The following RBM4B variants were observed in gnomAD, a reference collection of about 807,000 sequenced individuals.
RBM4B encodes the protein RNA-binding protein 4B.
RBM4B carries 13 observed loss-of-function variants against 28.5 expected under a neutral mutation model. The observed-to-expected ratio is 0.46, with a 90% CI of 0.30 to 0.72. RBM4B has a LOEUF of 0.72. RBM4B is among the 30% of genes least tolerant of loss of function. RBM4B has a pLI of 0.09. For synonymous variants in RBM4B, 167 were observed against 179.1 expected (o/e 0.93, Z 0.54); for missense variants, 387 against 477.6 (o/e 0.81, Z 1.77).
intron 3 of RBM4B, chr11:66,667,574 A>C (rs72923085): frequency 6.6e-6 from 1 of 152,352 alleles, no homozygotes; most frequent in Non-Finnish European, 1.5e-5. Flanking sequence ...CAGAACATCA[A>C]AACATTCAAC....
chr11:66,666,889 T>C (rs1280794597), intron 3 of RBM4B: 2 of 152,042 alleles, frequency 1.3e-5, no homozygotes, highest in South Asian at 2.1e-4. Context: ...AAAGAGCAAA[T>C]TGCTGTGGCT....
Position 66,669,037 on chromosome 11 carries a change from G to A in RBM4B, c.667C>T (p.Arg223Ter), listed in dbSNP as rs753789368. 7 of 1,614,040 alleles carry A rather than the reference G, an allele frequency of 4.3e-6. No individual in the cohort carries two copies. Among genetic ancestry groups the A allele is most frequent in the East Asian group, 2.2e-5 (1 of 44,894 alleles). ...GCCTCATAAGAGCGGACCCGGTATC[G>A]CTTATAGTAGTCGAGTGCTCCATAT... ...DAYGALDYYK[R>*]YRVRSYEAVA... is the part of the protein sequence containing the mutation. Residue 223 changes from arginine (R) to a stop codon, truncating the protein, a stop_gained, in exon 3 of 4, where the codon CGA (arginine) becomes TGA (stop). Coordinates refer to ENST00000310046, the MANE Select transcript of RBM4B (RefSeq NM_031492.4). LOFTEE classifies it high-confidence loss of function.
chr11:66,670,958 G>T (rs771110769), intron 2 of RBM4B: 2 of 702,550 alleles, frequency 2.8e-6, no homozygotes, highest in South Asian at 3.0e-5. Context: ...GCAGCTATGC[G>T]AGAGGAAGCC....
chr11:66,670,997 C>T (rs1377548796), intron 2 of RBM4B: 1 of 702,564 alleles, frequency 1.4e-6, no homozygotes, highest in Non-Finnish European at 2.6e-6. Flanking sequence ...TTGGAAATAG[C>T]CCTATTGAGG....
At chr11:66,666,107 A>C in intron 3 of RBM4B, 1 of 817,622 alleles carries the variant, frequency 1.2e-6, no homozygotes, top group Non-Finnish European at 1.9e-6. Context: ...ACACACCTAC[A>C]TGTCACACTG....
intron 2 of RBM4B, among the ~76,000 whole-genome samples, chr11:66,670,679 TTG>T (rs1565094368): frequency 6.6e-6 from 1 of 152,066 alleles, no homozygotes; most frequent in African/African-American, 2.4e-5. Context: ...GCTTTCCAAA[TTG>T]TAGCCAAAAG....
intron 2 of RBM4B, chr11:66,676,428 G>A: frequency 1.7e-6 from 1 of 592,378 alleles, no homozygotes; most frequent in Non-Finnish European, 2.9e-6. Context: ...ATCCCGCAGG[G>A]TAAAGTAACC....
At position 66,665,381 on chromosome 11, in the gene RBM4B, A is replaced by G; in HGVS notation, c.*207T>C. On this transcript the variant is annotated 3_prime_UTR_variant, in exon 4 of 4. Transcript: ENST00000310046. ...CAGAGGCTGAGAATATAAGGAACAG[A>G]GTGAAAGGCTACAGAGACTAGTTTC... 2.3e-5 allele frequency: 14 copies of G among 614,080 alleles called. No homozygotes were observed. The South Asian group carries it at 2.7e-4, about 12-fold the overall frequency. 38.0% of individuals were successfully genotyped at this position (614,080 alleles called of 1,614,324 possible).
chr11:66,666,216 A>G (rs1200103295), intron 3 of RBM4B: 2 of 875,982 alleles, frequency 2.3e-6, no homozygotes, highest in East Asian at 4.2e-5. Flanking sequence ...TAATCCTTCT[A>G]TTGATGATGG....
intron 2 of RBM4B, chr11:66,670,882 G>A: frequency 1.4e-6 from 1 of 702,166 alleles, no homozygotes; most frequent in South Asian, 1.5e-5. Flanking sequence ...CTTAAGGACT[G>A]CTGAGAACAA....
Position 66,669,050 on chromosome 11 carries a change from G to A in RBM4B, c.654C>T (p.Leu218=), listed in dbSNP as rs758074854. Residue 218 remains leucine, a synonymous_variant, in exon 3 of 4, where the codon CTC becomes CTT. Transcript: ENST00000310046. ...SMYYNDAYGA[L]DYYKRYRVRS... Reference sequence around the variant, plus strand: ...GGACCCGGTATCGCTTATAGTAGTCGAGTGCTCCATATGCATCGTTGTAAT... The same window carrying A: ...GGACCCGGTATCGCTTATAGTAGTCAAGTGCTCCATATGCATCGTTGTAAT... The A allele has an allele frequency of 1.2e-6, 2 of 1,614,154 alleles. No individual in the cohort carries two copies. The highest frequency in any genetic ancestry group is 1.1e-5 in the South Asian group (1 of 91,072).
rs1565090862 is a variant in RBM4B, at chr11:66,666,117, G to A, written c.*10-539C>T. 4 of 792,048 alleles carry A rather than the reference G, an allele frequency of 5.1e-6. No individual in the cohort carries two copies. The South Asian group carries it at 6.0e-5, about 12-fold the overall frequency. The allele number at this position is 792,048 out of a possible 1,614,324, so 49.1% of individuals were successfully genotyped here. A position where few individuals can be genotyped will look rare whatever the true frequency, so the allele number is the denominator to read the frequency against. On this transcript the variant is annotated intron_variant, in intron 3 of 3. Coordinates refer to ENST00000310046, the MANE Select transcript of RBM4B (RefSeq NM_031492.4). ...TTCCAACACACCTACATGTCACACT[G>A]TCACAGAGTGAGAGCCACAGTTCCA...
chr11:66,669,923 ATTAC>A (rs1313379055), intron 2 of RBM4B, among the ~76,000 whole-genome samples: 2 of 152,212 alleles, frequency 1.3e-5, no homozygotes, highest in Non-Finnish European at 2.9e-5. Context: ...TAAGATTGTT[ATTAC>A]TTGTAATGAT....
chr11:66,671,237 G>C (rs887695446), intron 2 of RBM4B, among the ~76,000 whole-genome samples: 2 of 152,128 alleles, frequency 1.3e-5, no homozygotes, highest in South Asian at 2.1e-4. Context: ...ATCTCTAAAA[G>C]CATTTTGCCA....
intron 3 of RBM4B, 34 bp downstream of exon 3, chr11:66,668,581 T>A: frequency 6.6e-7 from 1 of 1,524,600 alleles, no homozygotes; most frequent in South Asian, 1.2e-5. Flanking sequence ...GGGAACTAAA[T>A]GGAATCTTTT....
intron 3 of RBM4B, 26 bp downstream of exon 3, chr11:66,668,589 T>C (rs368439506): frequency 6.4e-7 from 1 of 1,557,804 alleles, no homozygotes; most frequent in Non-Finnish European, 8.8e-7. Flanking sequence ...AATGGAATCT[T>C]TTAACCATTC....
Position 66,676,843 on chromosome 11 carries a change from C to G in RBM4B, c.237G>C (p.Lys79Asn). 1 of 1,614,202 alleles carries G rather than the reference C, an allele frequency of 6.2e-7. No individual in the cohort carries two copies. Among genetic ancestry groups the G allele is most frequent in the Non-Finnish European group, 8.5e-7 (1 of 1,180,040 alleles). ...ASKNKSKAST[K>N]LHVGNISPTC... ...TGGGGCTGATGTTACCCACGTGTAA[C>G]TTGGTTGAAGCTTTGCTCTTATTCT... The change falls in exon 2 of 4, where the codon AAG (lysine) becomes AAC (asparagine). Residue 79 changes from lysine (K) to asparagine (N), a missense_variant. Lys to Asn is a moderately conservative substitution (Grantham distance 94, BLOSUM62 0). Transcript: ENST00000310046.
At chr11:66,672,801 CTTTAAA>C (rs1309569611) in intron 2 of RBM4B, among the ~76,000 whole-genome samples, 1 of 152,084 alleles carries the variant, frequency 6.6e-6, no homozygotes, top group Non-Finnish European at 1.5e-5. Flanking sequence ...CCAGCCTAGC[CTTTAAA>C]TTTAAATACC....
chr11:66,673,296 A>G (rs551094636), intron 2 of RBM4B, among the ~76,000 whole-genome samples: 5 of 152,324 alleles, frequency 3.3e-5, no homozygotes, highest in South Asian at 2.1e-4. Flanking sequence ...GTCTAAGGAA[A>G]TAAGTTGAGT....
Sources: gnomAD v4.1 joint callset for allele counts (sites outside exome capture counted in the v4.1 genomes callset) on GRCh38, gnomAD v4.1.1 for gene constraint, MANE v1.5 for transcripts, NCBI Gene and HGNC (gene_info 2026-07-23, HGNC 2026-07-21) for gene names.